Variants in SLC25A21 observed in about 807,000 individuals in gnomAD.
The protein encoded by SLC25A21 is mitochondrial 2-oxodicarboxylate carrier.
Under a neutral mutation model 43.8 loss-of-function variants are expected in SLC25A21, and 47 were observed. That is an observed-to-expected ratio of 1.07 (90% CI 0.85 to 1.37). The LOEUF (loss-of-function observed/expected upper bound fraction) is 1.37. SLC25A21 is among the 40% of genes most tolerant of loss of function. The pLI, the probability that SLC25A21 is intolerant of heterozygous loss-of-function variation, is 0.00. For missense variants in SLC25A21, 352 were observed against 350.2 expected, an observed-to-expected ratio of 1.00 and a Z score of -0.04; for synonymous variants, 131 against 121.3, an observed-to-expected ratio of 1.08 and a Z score of -0.52.
chr14:36,701,124 G>A (rs926619177), intron 7 of SLC25A21, among the ~76,000 whole-genome samples: 3 of 152,068 alleles, frequency 2.0e-5, no homozygotes, highest in Non-Finnish European at 2.9e-5. Context: ...TTGTTGTTTT[G>A]TTCATAAACT....
At chr14:36,692,516 G>C (rs1882834135) in intron 7 of SLC25A21, among the ~76,000 whole-genome samples, 1 of 151,976 alleles carries the variant, frequency 6.6e-6, no homozygotes, top group Admixed American at 6.6e-5. Context: ...ACCTTTCCTG[G>C]CATGGGCTCT....
At chr14:36,711,672 A>T (rs1323805904) in intron 6 of SLC25A21, among the ~76,000 whole-genome samples, 190 bp from the exon 7 acceptor site, 2 of 152,216 alleles carry the variant, frequency 1.3e-5, no homozygotes, top group Admixed American at 6.5e-5. Context: ...CATGCATAAA[A>T]ACAGGCTTTA....
intron 1 of SLC25A21, among the ~76,000 whole-genome samples, chr14:37,137,686 T>C (rs1279101360): frequency 6.6e-6 from 1 of 152,224 alleles, no homozygotes; most frequent in East Asian, 1.9e-4. Flanking sequence ...GTGATGTGTA[T>C]AAGCCATCAA....
At chr14:37,015,024 G>T (rs1446212501) in intron 1 of SLC25A21, among the ~76,000 whole-genome samples, 1 of 151,930 alleles carries the variant, frequency 6.6e-6, no homozygotes, top group African/African-American at 2.4e-5. Context: ...GGGCACAGCA[G>T]ATTTGGCATA....
At chr14:36,919,785 G>C (rs1765207427) in intron 1 of SLC25A21, among the ~76,000 whole-genome samples, 1 of 151,916 alleles carries the variant, frequency 6.6e-6, no homozygotes, top group African/African-American at 2.4e-5. Context: ...ACACTCACTT[G>C]ATTTGCAATC....
chr14:36,944,368 G>A (rs552041895), intron 1 of SLC25A21, among the ~76,000 whole-genome samples: 4 of 152,162 alleles, frequency 2.6e-5, no homozygotes, highest in African/African-American at 4.8e-5. Context: ...TTCAGCTTGC[G>A]GTAGGAGTTG....
Position 36,697,074 on chromosome 14 carries a change from G to A in SLC25A21, c.604-12149C>T, listed in dbSNP as rs1050957333. ...TGCTATAAATTTCCCTGTACACACCGCTTTAAATGTGTCCCAGAGATTCTG... is the reference window on the plus strand; with the variant it reads ...TGCTATAAATTTCCCTGTACACACCACTTTAAATGTGTCCCAGAGATTCTG... On this transcript the variant is annotated intron_variant, in intron 7 of 9. Transcript: ENST00000331299. Among the ~76,000 whole-genome samples, 25 of 152,214 alleles carry A rather than the reference G, an allele frequency of 1.6e-4. No homozygotes were observed. In the East Asian group the frequency reaches 3.9e-3, roughly 24 times the overall value.
At chr14:37,020,091 T>G (rs944245348) in intron 1 of SLC25A21, among the ~76,000 whole-genome samples, 1 of 151,964 alleles carries the variant, frequency 6.6e-6, no homozygotes. Context: ...AAAGTTAAAC[T>G]CTTATAAATA....
At chr14:36,796,543 C>T (rs61996680) in intron 3 of SLC25A21, among the ~76,000 whole-genome samples, 34,939 of 151,730 alleles carry the variant, frequency 0.23, 4,165 homozygotes, top group East Asian at 0.3. Flanking sequence ...CCCAGGGACA[C>T]CAAGATGTGT....
At chr14:36,990,410 A>G (rs1056584314) in intron 1 of SLC25A21, among the ~76,000 whole-genome samples, 14 of 152,228 alleles carry the variant, frequency 9.2e-5, no homozygotes, top group African/African-American at 3.1e-4. Flanking sequence ...TTTACACATT[A>G]CATGAGACTC....
At chr14:36,928,166 A>G (rs1892184784) in intron 1 of SLC25A21, among the ~76,000 whole-genome samples, 1 of 152,170 alleles carries the variant, frequency 6.6e-6, no homozygotes. Context: ...GGCTCATTAT[A>G]ACATCAAGTT....
At chr14:36,947,819 C>T (rs1448531136) in intron 1 of SLC25A21, among the ~76,000 whole-genome samples, 1 of 151,956 alleles carries the variant, frequency 6.6e-6, no homozygotes, top group Non-Finnish European at 1.5e-5. Context: ...GTTAGTAATC[C>T]GATATTCATT....
chr14:37,126,737 T>C (rs1176057776), intron 1 of SLC25A21, among the ~76,000 whole-genome samples: 6 of 152,184 alleles, frequency 3.9e-5, no homozygotes, highest in South Asian at 2.1e-4. Flanking sequence ...AAGTAGCTGC[T>C]AGGTACAGGG....
intron 1 of SLC25A21, among the ~76,000 whole-genome samples, chr14:37,150,791 A>C (rs528695416): frequency 6.6e-6 from 1 of 152,270 alleles, no homozygotes; most frequent in Admixed American, 6.5e-5. Context: ...CTCCAAAATA[A>C]TGCTGCTCAT....
Position 36,766,961 on chromosome 14 carries a change from C to T in SLC25A21, c.204-32388G>A, listed in dbSNP as rs1229683313. Among the ~76,000 whole-genome samples, 4 of 152,154 alleles carry T rather than the reference C, an allele frequency of 2.6e-5. No homozygotes were observed. In the East Asian group the frequency reaches 7.7e-4, roughly 29 times the overall value. ...ACTGCGGTCAATATCTCCAACGTGC[C>T]TAATATTGTGTGATATAATAATATC... On this transcript the variant is annotated intron_variant, in intron 3 of 9. Transcript: ENST00000331299.
intron 1 of SLC25A21, among the ~76,000 whole-genome samples, chr14:36,992,529 CAT>C (rs1309640860): frequency 1.3e-5 from 2 of 152,220 alleles, no homozygotes; most frequent in Admixed American, 6.5e-5. Flanking sequence ...CAACTGGAAA[CAT>C]ATACTCTAGG....
intron 1 of SLC25A21, among the ~76,000 whole-genome samples, chr14:37,005,416 C>T (rs566188286): frequency 5.3e-5 from 8 of 152,218 alleles, no homozygotes; most frequent in Admixed American, 3.9e-4. Context: ...TCCCTCAGAG[C>T]TACGTCAGTA....
intron 1 of SLC25A21, among the ~76,000 whole-genome samples, chr14:36,912,365 TG>T (rs1386837032): frequency 1.3e-5 from 2 of 152,174 alleles, no homozygotes; most frequent in Admixed American, 6.6e-5. Context: ...AGCAGGTAAG[TG>T]GCAGAGCCTG....
At chr14:36,976,522 A>G (rs2138692989) in intron 1 of SLC25A21, among the ~76,000 whole-genome samples, 1 of 151,272 alleles carries the variant, frequency 6.6e-6, no homozygotes, top group South Asian at 2.1e-4. Context: ...CTTAAGAGCA[A>G]GCCATGGCCT....
Sources: allele counts gnomAD v4.1 joint callset (sites outside exome capture counted in the v4.1 genomes callset), GRCh38; gene constraint gnomAD v4.1.1; transcripts MANE v1.5; gene names NCBI Gene and HGNC (gene_info 2026-07-23, HGNC 2026-07-21).